MED6: variants seen among roughly 807,000 people sequenced by gnomAD.
MED6 encodes mediator complex subunit 6.
A neutral mutation model predicts 37.5 loss-of-function variants in MED6; 33 were observed. The ratio of observed to expected loss-of-function variants is 0.88; its 90% CI spans 0.67 to 1.18. The LOEUF (loss-of-function observed/expected upper bound fraction) is 1.18, where lower values mean the gene tolerates loss of function less well. Among genes scored for constraint, MED6 ranks in the 50% most tolerant of loss-of-function variants. The pLI, the probability that MED6 is intolerant of heterozygous loss-of-function variation, is 0.00. For missense variants in MED6, 235 were observed against 290.6 expected (o/e 0.81, Z 1.39); for synonymous variants, 94 against 93.6 (o/e 1.00, Z -0.02).
At position 70,596,591 on chromosome 14, in the gene MED6, C is replaced by G. The variant is rs749975190; in HGVS notation, c.274+20G>C. 1.3e-6 allele frequency: 2 copies of G among 1,570,350 alleles called. No homozygotes were observed. The highest frequency in any genetic ancestry group is 2.3e-5 in the South Asian group (2 of 88,770). ...TGGTATTTTAAAAAGAAAACAATGC[C>G]TAAAGTTTACACATTTTACCTTGGG... is the stretch of plus-strand genomic sequence containing the variant. On this transcript the variant is annotated intron_variant, in intron 3 of 7. Coordinates refer to ENST00000256379, the MANE Select transcript of MED6 (RefSeq NM_005466.4).
intron 3 of MED6, chr14:70,595,016 A>C (rs60120955): frequency 0.12 from 67,281 of 571,368 alleles, 6,037 homozygotes; most frequent in East Asian, 0.49. Context: ...ATTGTTCTGC[A>C]GATCGACAAT....
rs1462335542 is a variant in MED6, at chr14:70,593,368, T to G, written c.285A>C (p.Leu95=). 3 of 1,613,058 alleles carry G rather than the reference T, an allele frequency of 1.9e-6. No individual in the cohort carries two copies. The South Asian group carries it at 3.3e-5, about 18-fold the overall frequency. The change falls in exon 4 of 8, where the codon CTA becomes CTC. Residue 95 remains leucine, a synonymous_variant. Transcript: ENST00000256379. ...QRQSPAQVIP[L]ADYYIIAGVI... Reference sequence around the variant, plus strand: ...CTCCAGCAATGATATAGTAATCAGCTAGTGGGATAACTAAAACAGTGGGAA... The same window carrying G: ...CTCCAGCAATGATATAGTAATCAGCGAGTGGGATAACTAAAACAGTGGGAA...
Position 70,596,699 on chromosome 14 carries a change from C to T in MED6, c.186G>A (p.Gln62=). Residue 62 remains glutamine (Q), a synonymous_variant, in exon 3 of 8, where the codon CAG becomes CAA. Coordinates refer to ENST00000256379, the MANE Select transcript of MED6 (RefSeq NM_005466.4). ...AAAGGATGTACTCGATTCCAACCAT[C>T]TGACTGAAAACAGAACACAGACATC... ...MQRLTLEHLN[Q]MVGIEYILLH... is the part of the protein sequence containing the mutation. The T allele has an allele frequency of 6.2e-7, 1 of 1,612,566 alleles. No homozygotes were observed. Among genetic ancestry groups the T allele is most frequent in the African/African-American group, 1.3e-5 (1 of 75,016 alleles).
intron 5 of MED6, among the ~76,000 whole-genome samples, chr14:70,592,206 T>C (rs1051432454): frequency 6.6e-6 from 1 of 152,186 alleles, no homozygotes; most frequent in Non-Finnish European, 1.5e-5. Context: ...TACAGGCACA[T>C]TTCTGGAGGT....
At chr14:70,589,983 GTATTT>G (rs1228573197) in intron 6 of MED6, among the ~76,000 whole-genome samples, 3 of 152,150 alleles carry the variant, frequency 2.0e-5, no homozygotes, top group Non-Finnish European at 1.5e-5. Flanking sequence ...AAAGAAACAT[GTATTT>G]TATTTAACCA....
chr14:70,591,202 A>T, intron 6 of MED6, 64 bp downstream of exon 6: 2 of 1,242,058 alleles, frequency 1.6e-6, no homozygotes, highest in Middle Eastern at 2.0e-4. Flanking sequence ...GTTCTCAATT[A>T]AAAATTAATA....
At chr14:70,592,478 C>CTTTTTTTTTTTTTTTTTT (rs201036704) in intron 5 of MED6, 4 of 88,836 alleles carry the variant, frequency 4.5e-5, no homozygotes, top group African/African-American at 2.4e-4. Context: ...TCCTATGTTC[C>CTTTTTTTTTTTTTTTTTT]TTTTTTTTTT....
At chr14:70,598,959 G>A (rs1439087480) in intron 1 of MED6, among the ~76,000 whole-genome samples, 8 of 152,274 alleles carry the variant, frequency 5.3e-5, no homozygotes, top group Middle Eastern at 3.4e-3. Flanking sequence ...CATATTTAGC[G>A]TAGAATTAAA....
At chr14:70,591,460 T>C (rs545801146) in intron 5 of MED6, 79 bp from the exon 6 acceptor site, 6 of 1,086,312 alleles carry the variant, frequency 5.5e-6, no homozygotes, top group South Asian at 5.5e-5. Context: ...TTATCCACCA[T>C]GAATATACCC....
Position 70,600,615 on chromosome 14 carries a change from C to G in MED6, c.22+1G>C. ...AGACAAAATATAGCAATACAGTATA[C>G]CTCGGATATCCACCGCCGCCATAAT... On this transcript the variant is annotated splice_donor_variant, in intron 1 of 7. Coordinates refer to ENST00000256379, the MANE Select transcript of MED6 (RefSeq NM_005466.4). LOFTEE classifies it high-confidence loss of function. 1 of 1,613,228 alleles carries G rather than the reference C, an allele frequency of 6.2e-7. No homozygotes were observed. The highest frequency in any genetic ancestry group is 1.7e-5 in the Admixed American group (1 of 59,880).
chr14:70,584,179 C>G lies in MED6; in HGVS notation c.*634G>C. 1 of 755,486 alleles carries G rather than the reference C, an allele frequency of 1.3e-6. No individual in the cohort carries two copies. Among genetic ancestry groups the G allele is most frequent in the Non-Finnish European group, 2.4e-6 (1 of 414,206 alleles). 46.8% of individuals were successfully genotyped at this position (755,486 alleles called of 1,614,324 possible). On this transcript the variant is annotated 3_prime_UTR_variant, in exon 8 of 8. Transcript: ENST00000256379. Reference sequence around the variant, plus strand: ...GTTACTACTTTAACATCCTTTATGTCTTCAAAGTGCATCTGAAAAATATCA... The same window carrying G: ...GTTACTACTTTAACATCCTTTATGTGTTCAAAGTGCATCTGAAAAATATCA...
At position 70,593,575 on chromosome 14, in the gene MED6, G is replaced by A. The variant is rs186862743; in HGVS notation, c.275-197C>T. Among the ~76,000 whole-genome samples the A allele has an allele frequency of 4.6e-4, 70 of 152,284 alleles. No individual in the cohort carries two copies. In the Middle Eastern group the frequency reaches 0.014, roughly 30 times the overall value. On this transcript the variant is annotated intron_variant, in intron 3 of 7. Transcript: ENST00000256379. ...CTATGGCTGCTCTGGCAATAATTGA[G>A]CATTGTCACAGAGACTACGAGGCCC...
At chr14:70,599,722 C>G (rs1885148294) in intron 1 of MED6, among the ~76,000 whole-genome samples, 1 of 147,722 alleles carries the variant, frequency 6.8e-6, no homozygotes, top group Non-Finnish European at 1.5e-5. Context: ...ATTTTATAAA[C>G]TAAATATTTC....
intron 3 of MED6, among the ~76,000 whole-genome samples, chr14:70,594,186 C>T (rs1884973086): frequency 6.6e-6 from 1 of 152,182 alleles, no homozygotes; most frequent in African/African-American, 2.4e-5. Context: ...ACCCATCTGG[C>T]TCCCCTATCT....
intron 6 of MED6, among the ~76,000 whole-genome samples, chr14:70,590,843 C>A (rs1166216787): frequency 6.6e-6 from 1 of 152,240 alleles, no homozygotes; most frequent in Non-Finnish European, 1.5e-5. Flanking sequence ...AAACACTCTA[C>A]CTCAGATGTT....
intron 4 of MED6, 40 bp from the exon 5 acceptor site, chr14:70,593,028 C>A (rs373994287): frequency 6.2e-6 from 10 of 1,609,216 alleles, no homozygotes; most frequent in South Asian, 1.1e-5. Flanking sequence ...ATCATTAGGT[C>A]GACCAAACTT....
intron 6 of MED6, among the ~76,000 whole-genome samples, chr14:70,590,048 T>C (rs1456873013): frequency 6.6e-6 from 1 of 152,262 alleles, no homozygotes; most frequent in Non-Finnish European, 1.5e-5. Flanking sequence ...TTTAAACTAC[T>C]GAGATATTTT....
intron 3 of MED6, chr14:70,596,176 T>C (rs1195932722): frequency 5.6e-6 from 1 of 178,874 alleles, no homozygotes; most frequent in African/African-American, 2.4e-5. Flanking sequence ...AATCTAAAAA[T>C]CTGGTGGGCA....
At chr14:70,596,134 T>G (rs8005893) in intron 3 of MED6, 34,962 of 190,500 alleles carry the variant, frequency 0.18, 4,313 homozygotes, top group East Asian at 0.54. Flanking sequence ...ACAAACAATG[T>G]GATTATAGTA....
Sources: gnomAD v4.1 joint callset for allele counts (sites outside exome capture counted in the v4.1 genomes callset) on GRCh38, gnomAD v4.1.1 for gene constraint, MANE v1.5 for transcripts, NCBI Gene and HGNC (gene_info 2026-07-23, HGNC 2026-07-21) for gene names.